DPP10: variants seen among roughly 807,000 people sequenced by gnomAD.
DPP10 encodes the protein inactive dipeptidyl peptidase 10.
In DPP10, 33 loss-of-function variants were observed where a neutral mutation model predicts 120.9. The ratio of observed to expected loss-of-function variants is 0.27; its 90% CI spans 0.21 to 0.37. DPP10 has a LOEUF of 0.37. Among genes scored for constraint, DPP10 ranks in the 10% least tolerant of loss-of-function variants. DPP10 has a pLI of 1.00. For missense variants in DPP10, 816 were observed against 942.8 expected, an observed-to-expected ratio of 0.87 and a Z score of 1.76; for synonymous variants, 337 against 326.1, an observed-to-expected ratio of 1.03 and a Z score of -0.36.
intron 1 of DPP10, among the ~76,000 whole-genome samples, chr2:115,299,152 C>A (rs897353768): frequency 6.6e-6 from 1 of 151,980 alleles, no homozygotes; most frequent in Non-Finnish European, 1.5e-5. Context: ...CAGTTTCTAT[C>A]CCTCTTTTTA....
intron 1 of DPP10, among the ~76,000 whole-genome samples, chr2:114,849,495 C>A (rs953351420): frequency 6.6e-6 from 1 of 151,988 alleles, no homozygotes; most frequent in East Asian, 1.9e-4. Flanking sequence ...CACCGTCACA[C>A]CTGGCTAATT....
chr2:114,597,288 A>T lies in DPP10; in HGVS notation c.60+154450A>T, dbSNP rs2105202531. On this transcript the variant is annotated intron_variant, in intron 1 of 25. Coordinates refer to ENST00000410059, the MANE Select transcript of DPP10 (RefSeq NM_020868.6). ...ACATAGGGGAATGGTGGGAATAAGG[A>T]TAGAAAGTGACTGGGGACAGACAAT... Among the ~76,000 whole-genome samples, 3 of 152,114 alleles carry T rather than the reference A, an allele frequency of 2.0e-5. No individual in the cohort carries two copies. The South Asian group carries it at 6.2e-4, about 31-fold the overall frequency.
intron 16 of DPP10, 134 bp from the exon 17 acceptor site, chr2:115,782,218 A>G: frequency 1.5e-6 from 1 of 648,484 alleles, no homozygotes; most frequent in Non-Finnish European, 2.7e-6. Context: ...AAAGCTAGTT[A>G]TCTGGTTTCT....
intron 1 of DPP10, among the ~76,000 whole-genome samples, chr2:114,766,993 T>C (rs1409823716): frequency 6.6e-6 from 1 of 151,520 alleles, no homozygotes; most frequent in African/African-American, 2.4e-5. Context: ...CAGTTATCTA[T>C]TTAACAGTGT....
chr2:114,964,923 G>A (rs1168081351), intron 1 of DPP10, among the ~76,000 whole-genome samples: 2 of 152,216 alleles, frequency 1.3e-5, no homozygotes, highest in East Asian at 3.9e-4. Context: ...AGTGGTAGCA[G>A]TGGAACTGTT....
intron 1 of DPP10, among the ~76,000 whole-genome samples, chr2:114,909,986 A>G (rs939393870): frequency 6.6e-6 from 1 of 151,872 alleles, no homozygotes; most frequent in African/African-American, 2.4e-5. Context: ...ATACTGAATT[A>G]CATATCTATG....
chr2:115,164,103 T>C (rs1049108538), intron 1 of DPP10, among the ~76,000 whole-genome samples: 9 of 152,164 alleles, frequency 5.9e-5, no homozygotes, highest in Non-Finnish European at 1.2e-4. Flanking sequence ...TTTGAAAATG[T>C]CAGTTTTATG....
intron 1 of DPP10, among the ~76,000 whole-genome samples, chr2:114,639,296 C>T (rs1334888310): frequency 6.6e-6 from 1 of 151,840 alleles, no homozygotes; most frequent in Admixed American, 6.6e-5. Flanking sequence ...CACTTACTCC[C>T]CATCGTGAAA....
intron 1 of DPP10, among the ~76,000 whole-genome samples, chr2:114,685,303 G>T (rs759598823): frequency 9.9e-5 from 15 of 151,488 alleles, no homozygotes; most frequent in Admixed American, 7.9e-4. Flanking sequence ...AATGTGTTAA[G>T]CTGTACCCCA....
chr2:114,935,980 A>G (rs1696432838), intron 1 of DPP10, among the ~76,000 whole-genome samples: 1 of 150,046 alleles, frequency 6.7e-6, no homozygotes, highest in Non-Finnish European at 1.5e-5. Context: ...TTATTTATTT[A>G]TTTGTTTTAA....
chr2:115,391,442 G>C (rs1321485757), intron 3 of DPP10, among the ~76,000 whole-genome samples: 2 of 152,090 alleles, frequency 1.3e-5, no homozygotes, highest in East Asian at 3.9e-4. Context: ...ACCAGATGTA[G>C]AAGGAAAGGA....
intron 5 of DPP10, among the ~76,000 whole-genome samples, chr2:115,541,497 CGAGA>C (rs143431952): frequency 2.0e-5 from 3 of 149,250 alleles, no homozygotes; most frequent in East Asian, 3.9e-4. Context: ...TGTGTGTGTG[CGAGA>C]GAGAGAGAGA....
At chr2:115,120,992 T>G (rs553621173) in intron 1 of DPP10, among the ~76,000 whole-genome samples, 2 of 152,306 alleles carry the variant, frequency 1.3e-5, no homozygotes, top group East Asian at 1.9e-4. Flanking sequence ...TCTGAATACT[T>G]TAGAAGTTAT....
intron 5 of DPP10, among the ~76,000 whole-genome samples, chr2:115,672,457 A>G (rs898057016): frequency 4.6e-5 from 7 of 152,318 alleles, no homozygotes; most frequent in Non-Finnish European, 8.8e-5. Context: ...GACAAGGGCA[A>G]GAAAAAAATG....
chr2:115,320,111 C>T (rs1437346360), intron 2 of DPP10, among the ~76,000 whole-genome samples: 1 of 152,004 alleles, frequency 6.6e-6, no homozygotes, highest in East Asian at 1.9e-4. Context: ...CTTTAATGAC[C>T]ATTTTTCAAT....
At chr2:115,321,124 A>G (rs891918083) in intron 2 of DPP10, among the ~76,000 whole-genome samples, 2 of 152,044 alleles carry the variant, frequency 1.3e-5, no homozygotes, top group African/African-American at 4.8e-5. Flanking sequence ...ACATGGCAAA[A>G]CCCTGTCTCT....
chr2:115,710,377 G>T (rs766393936), intron 7 of DPP10, among the ~76,000 whole-genome samples: 11 of 151,952 alleles, frequency 7.2e-5, no homozygotes, highest in Non-Finnish European at 1.6e-4. Context: ...CGACAAAAAT[G>T]GTGAGGGAGA....
At chr2:115,809,863 C>T (rs1559184889) in intron 19 of DPP10, among the ~76,000 whole-genome samples, 1 of 152,150 alleles carries the variant, frequency 6.6e-6, no homozygotes, top group African/African-American at 2.4e-5. Context: ...AGGATAAGAG[C>T]TTTCAAAAAT....
intron 1 of DPP10, among the ~76,000 whole-genome samples, chr2:114,731,807 C>A (rs1676946685): frequency 6.6e-6 from 1 of 152,236 alleles, no homozygotes; most frequent in African/African-American, 2.4e-5. Context: ...GCGCAGCCAA[C>A]AGGTTGGGAT....
Sources: allele counts gnomAD v4.1 joint callset (sites outside exome capture counted in the v4.1 genomes callset), GRCh38; gene constraint gnomAD v4.1.1; transcripts MANE v1.5; gene names NCBI Gene and HGNC (gene_info 2026-07-23, HGNC 2026-07-21).